The following HERC4 variants were observed in gnomAD, a reference collection of about 807,000 sequenced individuals.
The protein encoded by HERC4 is probable E3 ubiquitin-protein ligase HERC4.
A neutral mutation model predicts 124.3 loss-of-function variants in HERC4; 28 were observed. The ratio of observed to expected loss-of-function variants is 0.23; its 90% CI spans 0.17 to 0.31. HERC4 has a LOEUF of 0.31. HERC4 is among the 10% of genes least tolerant of loss of function. HERC4 has a pLI of 1.00. For synonymous variants in HERC4, 407 were observed against 421.5 expected (o/e 0.97, Z 0.42); for missense variants, 713 against 1,229.3 (o/e 0.58, Z 6.28).
At chr10:68,052,777 C>G (rs984410090) in intron 3 of HERC4, among the ~76,000 whole-genome samples, 11 of 152,174 alleles carry the variant, frequency 7.2e-5, no homozygotes, top group Admixed American at 6.5e-4. Flanking sequence ...GTGCTGCTCT[C>G]TCTGATAACG....
chr10:68,064,246 T>TA (rs1386643780), intron 3 of HERC4, among the ~76,000 whole-genome samples: 1 of 150,096 alleles, frequency 6.7e-6, no homozygotes, highest in African/African-American at 2.5e-5. Flanking sequence ...CCCCAAAACA[T>TA]AAAAAATAAT....
At chr10:68,039,152 CAA>C (rs5785843) in intron 4 of HERC4, among the ~76,000 whole-genome samples, 167 of 115,226 alleles carry the variant, frequency 1.4e-3, no homozygotes, top group Admixed American at 2.5e-3. Flanking sequence ...ACTGAAAATA[CAA>C]AAAAAAAAAA....
At chr10:67,995,821 T>A (rs1431879698) in intron 9 of HERC4, among the ~76,000 whole-genome samples, 1 of 152,184 alleles carries the variant, frequency 6.6e-6, no homozygotes, top group Admixed American at 6.5e-5. Context: ...TCATTTATAG[T>A]TTATCTTAGT....
chr10:67,949,105 A>T (rs927835411), intron 19 of HERC4, among the ~76,000 whole-genome samples: 1 of 151,438 alleles, frequency 6.6e-6, no homozygotes, highest in Admixed American at 6.6e-5. Context: ...ATAAAATAAA[A>T]TAAAATAAAA....
In HERC4 at chr10:67,922,696, A is replaced by ACTT; in HGVS notation, c.*232_*234dup. 1 of 301,086 alleles carries ACTT rather than the reference A, an allele frequency of 3.3e-6. No individual in the cohort carries two copies. The highest frequency in any genetic ancestry group is 9.3e-5 in the South Asian group (1 of 10,808). The allele number at this position is 301,086 out of a possible 1,614,324, so 18.7% of individuals were successfully genotyped here. ...AGTAAAACTTTAATGTATTCATAAT[A>ACTT]CTTGCTATGTTTATTAGAAGATGGT... On this transcript the variant is annotated 3_prime_UTR_variant, in exon 25 of 25. Transcript: ENST00000373700.
At chr10:67,979,496 C>T (rs937433544) in intron 15 of HERC4, among the ~76,000 whole-genome samples, 2 of 152,018 alleles carry the variant, frequency 1.3e-5, no homozygotes, top group South Asian at 2.1e-4. Flanking sequence ...AGTTACTGGC[C>T]TTAAAGAGGA....
chr10:67,938,969 A>C (rs2032638249), intron 21 of HERC4, among the ~76,000 whole-genome samples: 1 of 151,958 alleles, frequency 6.6e-6, no homozygotes, highest in Admixed American at 6.6e-5. Context: ...AACAAAAAAA[A>C]CCACATCCCT....
At chr10:68,045,195 C>T (rs545780854) in intron 3 of HERC4, among the ~76,000 whole-genome samples, 3 of 152,188 alleles carry the variant, frequency 2.0e-5, no homozygotes, top group East Asian at 1.9e-4. Context: ...TGGTGGTGCA[C>T]GCCTGTGATC....
intron 9 of HERC4, among the ~76,000 whole-genome samples, chr10:68,001,933 A>AT (rs879357286): frequency 7.9e-5 from 12 of 151,808 alleles, no homozygotes; most frequent in Admixed American, 6.6e-5. Flanking sequence ...GGTATACAAT[A>AT]TTTTTTTTCA....
intron 4 of HERC4, chr10:68,040,034 G>T: frequency 2.8e-6 from 2 of 713,434 alleles, no homozygotes; most frequent in Non-Finnish European, 3.4e-6. Flanking sequence ...CAGACTATGT[G>T]TTTTATACCC....
intron 19 of HERC4, among the ~76,000 whole-genome samples, chr10:67,944,950 G>A (rs1351432414): frequency 6.6e-6 from 1 of 152,146 alleles, no homozygotes; most frequent in African/African-American, 2.4e-5. Context: ...ACTCCTACAA[G>A]ATCTAGAGAA....
At chr10:67,945,236 C>T (rs1443416211) in intron 19 of HERC4, among the ~76,000 whole-genome samples, 1 of 152,134 alleles carries the variant, frequency 6.6e-6, no homozygotes, top group Non-Finnish European at 1.5e-5. Flanking sequence ...CAGTGGAGCT[C>T]CAGTACATCT....
intron 4 of HERC4, chr10:68,039,563 T>C: frequency 6.5e-7 from 1 of 1,535,432 alleles, no homozygotes; most frequent in Non-Finnish European, 8.8e-7. Context: ...AAAATATTTT[T>C]ATTTAGTGAA....
At chr10:67,923,168 C>A in intron 24 of HERC4, 29 bp from the exon 25 acceptor site, 1 of 1,545,810 alleles carries the variant, frequency 6.5e-7, no homozygotes, top group South Asian at 1.1e-5. Flanking sequence ...TTCAGTCAAC[C>A]ACTTCAAAAC....
intron 9 of HERC4, chr10:67,995,375 T>C (rs1269302883): frequency 8.3e-6 from 3 of 361,384 alleles, no homozygotes; most frequent in Non-Finnish European, 1.6e-5. Flanking sequence ...AGTTATCTTA[T>C]AACAGGAAAG....
chr10:67,927,791 G>C (rs1194112772), intron 23 of HERC4, among the ~76,000 whole-genome samples: 9 of 152,062 alleles, frequency 5.9e-5, no homozygotes. Flanking sequence ...TATCACTTCA[G>C]GCAAGGTTTC....
chr10:67,974,189 T>A (rs544283794), intron 15 of HERC4, among the ~76,000 whole-genome samples: 2 of 149,364 alleles, frequency 1.3e-5, no homozygotes, highest in South Asian at 4.2e-4. Context: ...GTCAAGTTAC[T>A]CGAGAAACGT....
chr10:67,931,051 T>A (rs1173094836), intron 23 of HERC4, among the ~76,000 whole-genome samples: 1 of 152,000 alleles, frequency 6.6e-6, no homozygotes, highest in Non-Finnish European at 1.5e-5. Flanking sequence ...AGTGGCGCAA[T>A]CTCACTGACT....
intron 21 of HERC4, among the ~76,000 whole-genome samples, chr10:67,939,304 G>A (rs1366981647): frequency 2.0e-5 from 3 of 152,170 alleles, no homozygotes; most frequent in Non-Finnish European, 2.9e-5. Flanking sequence ...AAGTACACAG[G>A]TTTAAGTCAC....
Sources: allele counts gnomAD v4.1 joint callset (sites outside exome capture counted in the v4.1 genomes callset), GRCh38; gene constraint gnomAD v4.1.1; transcripts MANE v1.5; gene names NCBI Gene and HGNC (gene_info 2026-07-23, HGNC 2026-07-21).